DTWD2: variants seen among roughly 807,000 people sequenced by gnomAD.
DTWD2 encodes the protein DTW motif tRNA-uridine aminocarboxypropyltransferase 2, also known as tRNA-uridine aminocarboxypropyltransferase 2.
DTWD2 carries 39 observed loss-of-function variants against 31.8 expected under a neutral mutation model. The ratio of observed to expected loss-of-function variants is 1.22; its 90% CI spans 0.95 to 1.60. DTWD2 has a LOEUF of 1.60. Among genes scored for constraint, DTWD2 ranks in the 40% most tolerant of loss-of-function variants. DTWD2 has a pLI of 0.00. For synonymous variants in DTWD2, 180 were observed against 142.8 expected (o/e 1.26, Z -1.86); for missense variants, 515 against 381.5 (o/e 1.35, Z -2.92).
At chr5:118,963,636 T>C (rs569903077) in intron 1 of DTWD2, among the ~76,000 whole-genome samples, 1 of 152,252 alleles carries the variant, frequency 6.6e-6, no homozygotes, top group South Asian at 2.1e-4. Context: ...GATGACAAAA[T>C]GGAGTTTAGA....
chr5:118,898,172 T>G (rs1220357135), intron 4 of DTWD2, among the ~76,000 whole-genome samples: 1 of 152,150 alleles, frequency 6.6e-6, no homozygotes, highest in Non-Finnish European at 1.5e-5. Flanking sequence ...GCCAAAAAAT[T>G]AAATCTTAAT....
chr5:118,882,131 C>A (rs1752755462), intron 4 of DTWD2, among the ~76,000 whole-genome samples: 1 of 152,206 alleles, frequency 6.6e-6, no homozygotes, highest in South Asian at 2.1e-4. Context: ...GGTAAATGTT[C>A]CCATCCCAAA....
At chr5:118,850,232 G>A (rs1189929735) in intron 4 of DTWD2, among the ~76,000 whole-genome samples, 1 of 149,640 alleles carries the variant, frequency 6.7e-6, no homozygotes, top group Admixed American at 6.6e-5. Context: ...GGGAGGCCGA[G>A]GCTGGCAGAT....
At chr5:118,869,231 CT>C (rs961062599) in intron 4 of DTWD2, among the ~76,000 whole-genome samples, 2 of 151,986 alleles carry the variant, frequency 1.3e-5, no homozygotes, top group Non-Finnish European at 2.9e-5. Flanking sequence ...TTTACCACAA[CT>C]TTTTTTACAA....
At chr5:118,900,959 A>G (rs1168902844) in intron 4 of DTWD2, among the ~76,000 whole-genome samples, 1 of 151,298 alleles carries the variant, frequency 6.6e-6, no homozygotes, top group Non-Finnish European at 1.5e-5. Flanking sequence ...ACTCAAAATC[A>G]TATTTCCTGC....
chr5:118,943,368 G>A (rs1420051765), intron 2 of DTWD2, among the ~76,000 whole-genome samples: 4 of 152,186 alleles, frequency 2.6e-5, no homozygotes, highest in South Asian at 2.1e-4. Flanking sequence ...TGGCTAACAC[G>A]GTGAAACCCC....
intron 1 of DTWD2, among the ~76,000 whole-genome samples, chr5:118,985,240 C>G (rs1180263857): frequency 6.6e-6 from 1 of 152,066 alleles, no homozygotes; most frequent in Non-Finnish European, 1.5e-5. Context: ...CAAGCCCTCT[C>G]CTCAGCCAGT....
chr5:118,927,597 T>G (rs984019810), intron 4 of DTWD2, among the ~76,000 whole-genome samples: 1 of 152,100 alleles, frequency 6.6e-6, no homozygotes, highest in Non-Finnish European at 1.5e-5. Flanking sequence ...TATTTAAGAC[T>G]GTATATAAGT....
At position 118,862,812 on chromosome 5, in the gene DTWD2, C is replaced by G. The variant is rs146663126; in HGVS notation, c.598-14594G>C. On this transcript the variant is annotated intron_variant, in intron 4 of 5. Transcript: ENST00000510708. ...AGCAAACTATGACTATCCCATTATT[C>G]TTTCCCAGTGATTAGTTTAGGGGTC... Among the ~76,000 whole-genome samples the G allele has an allele frequency of 2.7e-4, 41 of 152,302 alleles. No individual in the cohort carries two copies. In the East Asian group the frequency reaches 7.1e-3, roughly 27 times the overall value.
chr5:118,971,538 C>A (rs1323999126), intron 1 of DTWD2, among the ~76,000 whole-genome samples: 1 of 152,118 alleles, frequency 6.6e-6, no homozygotes, highest in South Asian at 2.1e-4. Context: ...TAGTGAGAGA[C>A]TTTAACACCC....
At chr5:118,856,188 T>C (rs964744933) in intron 4 of DTWD2, among the ~76,000 whole-genome samples, 1 of 152,204 alleles carries the variant, frequency 6.6e-6, no homozygotes, top group Admixed American at 6.5e-5. Flanking sequence ...TTAATAATTC[T>C]CTTACTTTTT....
intron 5 of DTWD2, among the ~76,000 whole-genome samples, chr5:118,847,341 G>C (rs993622163): frequency 6.6e-6 from 1 of 151,960 alleles, no homozygotes; most frequent in African/African-American, 2.4e-5. Flanking sequence ...CCTTTTAGTT[G>C]TGCTCATTAT....
intron 4 of DTWD2, among the ~76,000 whole-genome samples, chr5:118,867,622 T>C (rs989911844): frequency 6.6e-6 from 1 of 152,150 alleles, no homozygotes; most frequent in African/African-American, 2.4e-5. Flanking sequence ...ATACATATGG[T>C]TAAATCAGGT....
intron 4 of DTWD2, among the ~76,000 whole-genome samples, chr5:118,851,992 G>A (rs1335411181): frequency 2.0e-5 from 3 of 152,126 alleles, no homozygotes; most frequent in African/African-American, 7.2e-5. Flanking sequence ...CAACCGCAGA[G>A]GACAGACACT....
chr5:118,908,896 C>T (rs567207999), intron 4 of DTWD2, among the ~76,000 whole-genome samples: 4 of 152,110 alleles, frequency 2.6e-5, no homozygotes, highest in Non-Finnish European at 4.4e-5. Flanking sequence ...TATCCACAAA[C>T]GAAAATAGCT....
At chr5:118,968,197 G>GAA (rs759930368) in intron 1 of DTWD2, among the ~76,000 whole-genome samples, 3 of 126,120 alleles carry the variant, frequency 2.4e-5, no homozygotes, top group Admixed American at 7.9e-5. Context: ...ACAAAATCGT[G>GAA]AAAAAAAAAA....
chr5:118,910,157 A>G (rs1436115286), intron 4 of DTWD2, among the ~76,000 whole-genome samples: 1 of 152,106 alleles, frequency 6.6e-6, no homozygotes, highest in Non-Finnish European at 1.5e-5. Context: ...CAATTTTCCA[A>G]ATCTTTAAAA....
intron 4 of DTWD2, among the ~76,000 whole-genome samples, chr5:118,869,790 A>G (rs1230485395): frequency 1.3e-5 from 2 of 152,148 alleles, no homozygotes; most frequent in African/African-American, 2.4e-5. Flanking sequence ...TTTTACTTCT[A>G]ATTATCTTAT....
intron 4 of DTWD2, among the ~76,000 whole-genome samples, chr5:118,869,923 CCA>C (rs1752465100): frequency 6.6e-6 from 1 of 152,124 alleles, no homozygotes; most frequent in South Asian, 2.1e-4. Flanking sequence ...AAGCTTAGAA[CCA>C]TCCCCTTGAT....
Sources: allele counts gnomAD v4.1 joint callset (sites outside exome capture counted in the v4.1 genomes callset), GRCh38; gene constraint gnomAD v4.1.1; transcripts MANE v1.5; gene names NCBI Gene and HGNC (gene_info 2026-07-23, HGNC 2026-07-21).